AGBL4: variants seen among roughly 807,000 people sequenced by gnomAD.
AGBL4 encodes cytosolic carboxypeptidase 6.
A neutral mutation model predicts 66.4 loss-of-function variants in AGBL4; 58 were observed. The observed-to-expected ratio is 0.87, with a 90% CI of 0.71 to 1.09. The LOEUF (loss-of-function observed/expected upper bound fraction) is 1.09, where lower values mean the gene tolerates loss of function less well. Among genes scored for constraint, AGBL4 ranks in the 50% least tolerant of loss-of-function variants. The pLI is 0.00. For synonymous variants in AGBL4, 234 were observed against 222.9 expected, an observed-to-expected ratio of 1.05 and a Z score of -0.44; for missense variants, 579 against 631.0, an observed-to-expected ratio of 0.92 and a Z score of 0.88.
intron 4 of AGBL4, among the ~76,000 whole-genome samples, chr1:49,061,291 C>T (rs1644397194): frequency 6.6e-6 from 1 of 152,120 alleles, no homozygotes; most frequent in Admixed American, 6.5e-5. Flanking sequence ...GAGGGCTAAC[C>T]TACCAGGAAT....
intron 3 of AGBL4, among the ~76,000 whole-genome samples, chr1:49,394,747 A>G (rs1055380558): frequency 1.3e-5 from 2 of 152,142 alleles, no homozygotes; most frequent in African/African-American, 4.8e-5. Flanking sequence ...CACTAGGTAT[A>G]CCATTTTGTT....
intron 4 of AGBL4, among the ~76,000 whole-genome samples, chr1:49,207,018 G>C (rs1375699001): frequency 6.6e-6 from 1 of 152,036 alleles, no homozygotes; most frequent in Admixed American, 6.6e-5. Context: ...GAGAGCTTAT[G>C]ATCTCAAGAT....
chr1:48,860,091 G>GTC (rs149941571), intron 6 of AGBL4, among the ~76,000 whole-genome samples: 1,731 of 152,246 alleles, frequency 0.011, 30 homozygotes, highest in African/African-American at 0.04. Flanking sequence ...CAAAAAATAA[G>GTC]TCTCTCTCCT....
chr1:48,812,225 C>T (rs1167135021), intron 6 of AGBL4, among the ~76,000 whole-genome samples: 2 of 152,158 alleles, frequency 1.3e-5, no homozygotes, highest in Non-Finnish European at 1.5e-5. Context: ...CCAGTGAAAA[C>T]TACAAAGCTG....
chr1:49,416,539 G>A (rs962999440), intron 3 of AGBL4, among the ~76,000 whole-genome samples: 1 of 152,062 alleles, frequency 6.6e-6, no homozygotes, highest in Non-Finnish European at 1.5e-5. Flanking sequence ...CTTTGTAAAT[G>A]GCCTTAGATA....
chr1:48,758,163 G>A (rs528836479), intron 6 of AGBL4, among the ~76,000 whole-genome samples: 7 of 152,174 alleles, frequency 4.6e-5, no homozygotes, highest in Non-Finnish European at 8.8e-5. Flanking sequence ...AGTTTTATAC[G>A]TCTTTATATT....
At chr1:48,592,460 C>G (rs576943614) in intron 9 of AGBL4, among the ~76,000 whole-genome samples, 8 of 152,184 alleles carry the variant, frequency 5.3e-5, no homozygotes, top group Non-Finnish European at 1.2e-4. Context: ...TCCCAGTTCT[C>G]TGGGTAGCAA....
At chr1:49,485,223 A>G (rs1027429904) in intron 3 of AGBL4, among the ~76,000 whole-genome samples, 6 of 151,958 alleles carry the variant, frequency 3.9e-5, no homozygotes, top group African/African-American at 1.4e-4. Flanking sequence ...TCCAACAATG[A>G]TAGACTGGAT....
At chr1:49,084,226 T>A (rs1644857363) in intron 4 of AGBL4, among the ~76,000 whole-genome samples, 1 of 152,148 alleles carries the variant, frequency 6.6e-6, no homozygotes, top group African/African-American at 2.4e-5. Context: ...TGTTCCAGTC[T>A]CTGCCTGTTA....
At chr1:49,328,441 G>A (rs761442719) in intron 3 of AGBL4, among the ~76,000 whole-genome samples, 2 of 152,108 alleles carry the variant, frequency 1.3e-5, no homozygotes, top group Non-Finnish European at 2.9e-5. Flanking sequence ...GTTTTCTCAC[G>A]TATAAACCAA....
At chr1:49,442,139 T>C (rs1272121411) in intron 3 of AGBL4, among the ~76,000 whole-genome samples, 1 of 152,082 alleles carries the variant, frequency 6.6e-6, no homozygotes, top group South Asian at 2.1e-4. Flanking sequence ...TCATAAATCC[T>C]GAATAGATAC....
rs564957736 is a variant in AGBL4 at position 48,535,039 on chromosome 1, C to T, written c.1365-123G>A. 843 of 899,416 alleles carry T rather than the reference C, an allele frequency of 9.4e-4. 1 individual carries two copies. Among genetic ancestry groups the T allele is most frequent in the Non-Finnish European group, 1.2e-3 (724 of 580,956 alleles). The allele number at this position is 899,416 out of a possible 1,614,324, so 55.7% of individuals were successfully genotyped here. ...TTTAACACCCAAACGGAGCATAGGA[C>T]GTAAGTATGTTTTTATGGGGAAAAA... On this transcript the variant is annotated intron_variant, in intron 12 of 13. Transcript: ENST00000371839.
At chr1:49,207,961 A>C (rs763358781) in intron 4 of AGBL4, among the ~76,000 whole-genome samples, 1 of 151,892 alleles carries the variant, frequency 6.6e-6, no homozygotes, top group Non-Finnish European at 1.5e-5. Context: ...CTTTACTTCA[A>C]CTCTTACTTC....
intron 1 of AGBL4, among the ~76,000 whole-genome samples, chr1:49,922,609 T>G (rs75653084): frequency 2.6e-5 from 4 of 152,090 alleles, no homozygotes; most frequent in Non-Finnish European, 4.4e-5. Context: ...AGCAAAATCT[T>G]ACAATATTTT....
At chr1:49,309,752 C>T (rs1035786984) in intron 3 of AGBL4, among the ~76,000 whole-genome samples, 7 of 151,790 alleles carry the variant, frequency 4.6e-5, no homozygotes, top group African/African-American at 1.5e-4. Context: ...TTAGATAACC[C>T]CTAAGTGACT....
intron 4 of AGBL4, among the ~76,000 whole-genome samples, chr1:49,073,908 C>T (rs764762573): frequency 6.6e-6 from 1 of 152,238 alleles, no homozygotes; most frequent in East Asian, 1.9e-4. Flanking sequence ...ATCTATAACT[C>T]TCTGACTGGG....
At chr1:49,062,964 A>C (rs1280991149) in intron 4 of AGBL4, among the ~76,000 whole-genome samples, 1 of 152,202 alleles carries the variant, frequency 6.6e-6, no homozygotes, top group Non-Finnish European at 1.5e-5. Context: ...AGAAGCTCTG[A>C]ATTCATGTAT....
intron 11 of AGBL4, among the ~76,000 whole-genome samples, chr1:48,566,551 T>G (rs1216929177): frequency 6.6e-6 from 1 of 152,238 alleles, no homozygotes; most frequent in Non-Finnish European, 1.5e-5. Flanking sequence ...CGTGTCAATT[T>G]GGCTGGGCCA....
At chr1:48,822,327 G>T (rs1190220140) in intron 6 of AGBL4, among the ~76,000 whole-genome samples, 1 of 152,140 alleles carries the variant, frequency 6.6e-6, no homozygotes, top group Non-Finnish European at 1.5e-5. Flanking sequence ...TATGAGCAAT[G>T]GAATGCTAAA....
Sources: gnomAD v4.1 joint callset for allele counts (sites outside exome capture counted in the v4.1 genomes callset) on GRCh38, gnomAD v4.1.1 for gene constraint, MANE v1.5 for transcripts, NCBI Gene and HGNC (gene_info 2026-07-23, HGNC 2026-07-21) for gene names.